Variants in KATNAL1 observed in about 807,000 individuals in gnomAD.
KATNAL1 encodes the protein katanin catalytic subunit A1 like 1.
KATNAL1 carries 32 observed loss-of-function variants against 55.2 expected under a neutral mutation model. The ratio of observed to expected loss-of-function variants is 0.58; its 90% CI spans 0.44 to 0.78. The LOEUF (loss-of-function observed/expected upper bound fraction) is 0.78, where lower values mean the gene tolerates loss of function less well. Ranked by LOEUF, KATNAL1 falls within the 30% of genes least tolerant of loss-of-function variation. The pLI, the probability that KATNAL1 is intolerant of heterozygous loss-of-function variation, is 0.00. For synonymous variants in KATNAL1, 193 were observed against 193.6 expected, an observed-to-expected ratio of 1.00 and a Z score of 0.02; for missense variants, 466 against 600.9, an observed-to-expected ratio of 0.78 and a Z score of 2.35.
chr13:30,211,369 A>T (rs1165176056), intron 9 of KATNAL1, among the ~76,000 whole-genome samples: 1 of 152,040 alleles, frequency 6.6e-6, no homozygotes, highest in Non-Finnish European at 1.5e-5. Flanking sequence ...ACAACACTTC[A>T]CCTTAAATTC....
rs947661498 is a variant in KATNAL1, at chr13:30,255,471, A to G, written c.468T>C (p.Tyr156=). 8 of 1,585,376 alleles carry G rather than the reference A, an allele frequency of 5.0e-6. No individual in the cohort carries two copies. The African/African-American group carries it at 6.9e-5, about 14-fold the overall frequency. The change falls in exon 4 of 11, where the codon TAT becomes TAC. Residue 156 remains tyrosine, a synonymous_variant. Coordinates refer to ENST00000380615, the MANE Select transcript of KATNAL1 (RefSeq NM_032116.5). ...CCTTGTCATCTCTCCCTCTTGCTCT[A>G]TAGTCCTTGTCCCTACTTGTAGAAG... ...EKPSTSRDKD[Y]RARGRDDKGR... is the part of the protein sequence containing the mutation.
intron 3 of KATNAL1, among the ~76,000 whole-genome samples, chr13:30,259,734 T>G (rs1035768326): frequency 2.0e-4 from 31 of 152,032 alleles, no homozygotes; most frequent in African/African-American, 7.5e-4. Flanking sequence ...GCCCACGGAG[T>G]CTTGCTGATT....
chr13:30,245,184 C>T (rs1347854544), intron 4 of KATNAL1, among the ~76,000 whole-genome samples: 1 of 152,102 alleles, frequency 6.6e-6, no homozygotes, highest in Non-Finnish European at 1.5e-5. Context: ...AATCCAGCAG[C>T]ACATCAAAAA....
At chr13:30,296,657 T>C (rs2137564268) in intron 1 of KATNAL1, 1 of 674,954 alleles carries the variant, frequency 1.5e-6, no homozygotes, top group Admixed American at 1.9e-5. Context: ...AAGTTTGTCC[T>C]GCTGGCTGGA....
intron 4 of KATNAL1, among the ~76,000 whole-genome samples, chr13:30,254,550 G>T (rs1432517753): frequency 6.6e-6 from 1 of 152,082 alleles, no homozygotes; most frequent in African/African-American, 2.4e-5. Context: ...AGTTGGTCTG[G>T]AGTCCTTACC....
At chr13:30,209,916 G>C (rs890704356) in intron 10 of KATNAL1, among the ~76,000 whole-genome samples, 2 of 152,092 alleles carry the variant, frequency 1.3e-5, no homozygotes, top group African/African-American at 4.8e-5. Context: ...CGAGTAGCTG[G>C]AACTACAGGT....
intron 3 of KATNAL1, among the ~76,000 whole-genome samples, chr13:30,258,524 CT>C (rs1878973440): frequency 6.6e-6 from 1 of 152,082 alleles, no homozygotes; most frequent in Non-Finnish European, 1.5e-5. Context: ...TATTTTACCT[CT>C]CTTAATGGTA....
intron 6 of KATNAL1, among the ~76,000 whole-genome samples, chr13:30,232,462 T>A (rs1313178174): frequency 6.6e-6 from 1 of 152,182 alleles, no homozygotes; most frequent in Admixed American, 6.5e-5. Flanking sequence ...ATCACTAAAA[T>A]TTGAAACACT....
At chr13:30,230,306 T>A (rs1167431937) in intron 8 of KATNAL1, among the ~76,000 whole-genome samples, 162 bp downstream of exon 8, 1 of 152,202 alleles carries the variant, frequency 6.6e-6, no homozygotes, top group Admixed American at 6.5e-5. Context: ...CTCTAACAAG[T>A]ATGCAAGAAA....
chr13:30,225,114 T>G (rs955458258), intron 9 of KATNAL1, among the ~76,000 whole-genome samples: 2 of 152,318 alleles, frequency 1.3e-5, no homozygotes, highest in South Asian at 2.1e-4. Flanking sequence ...TTAGCTAGCT[T>G]CTTCTGTAGG....
chr13:30,234,153 T>C (rs571300932), intron 6 of KATNAL1, among the ~76,000 whole-genome samples: 1 of 152,300 alleles, frequency 6.6e-6, no homozygotes, highest in East Asian at 1.9e-4. Context: ...TGTATTAAAT[T>C]ATCACGAGCC....
intron 9 of KATNAL1, among the ~76,000 whole-genome samples, chr13:30,217,347 G>A (rs1347731564): frequency 2.6e-5 from 4 of 152,132 alleles, no homozygotes; most frequent in Admixed American, 6.5e-5. Flanking sequence ...CCAGCTACTC[G>A]GGAGGGGGAG....
Position 30,236,783 on chromosome 13 carries a change from GTCCCATATAAACACTCTATACTTC to G in KATNAL1, c.726+3653_726+3676del, listed in dbSNP as rs1324662859. On this transcript the variant is annotated intron_variant, in intron 6 of 10. Transcript: ENST00000380615. ...TTCCAGCAGTGTCTTTTGTTACTAT[GTCCCATATAAACACTCTATACTTC>G]CAGCCACACTGAACTACACAAGATT... Among the ~76,000 whole-genome samples, 4 of 152,234 alleles carry G rather than the reference GTCCCATATAAACACTCTATACTTC, an allele frequency of 2.6e-5. No homozygotes were observed. In the East Asian group the frequency reaches 7.7e-4, roughly 29 times the overall value.
intron 9 of KATNAL1, chr13:30,210,650 G>GAAAAAAAAAAAA (rs33951005): frequency 2.5e-5 from 3 of 120,264 alleles, no homozygotes; most frequent in Non-Finnish European, 5.1e-5. Flanking sequence ...ACTAAAAATT[G>GAAAAAAAAAAAA]AAAAAAAAAA....
rs1873233063 is a variant in KATNAL1 at position 30,207,200 on chromosome 13, A to G, written c.*1340T>C. 6.6e-6 allele frequency: 1 copy of G among 152,240 alleles called. No individual in the cohort carries two copies. Among genetic ancestry groups the G allele is most frequent in the African/African-American group, 2.4e-5 (1 of 41,468 alleles). The allele number at this position is 152,240 out of a possible 1,614,324, so 9.4% of individuals were successfully genotyped here. A position where few individuals can be genotyped will look rare whatever the true frequency, so the allele number is the denominator to read the frequency against. The stretch of plus-strand genomic sequence containing the variant: ...TGACCATTAAAGCATAAATTGCCTA[A>G]TGAGACACATGTAATCATAAAAACT... On this transcript the variant is annotated 3_prime_UTR_variant, in exon 11 of 11. Coordinates refer to ENST00000380615, the MANE Select transcript of KATNAL1 (RefSeq NM_032116.5).
In KATNAL1 at chr13:30,248,727, C is replaced by G. The variant is rs536995860; in HGVS notation, c.492+6720G>C. On this transcript the variant is annotated intron_variant, in intron 4 of 10. Transcript: ENST00000380615. ...ATCACCTGAGGTCAGGAGTTCGAGACCAGCCTGGCCAACGTGGTGAAACCC... is the reference window on the plus strand; with the variant it reads ...ATCACCTGAGGTCAGGAGTTCGAGAGCAGCCTGGCCAACGTGGTGAAACCC... Among the ~76,000 whole-genome samples the G allele has an allele frequency of 3.0e-3, 451 of 152,170 alleles. 1 individual carries two copies. Among genetic ancestry groups the G allele is most frequent in the South Asian group, 0.018 (88 of 4,824 alleles).
At chr13:30,225,543 A>T (rs1875369819) in intron 9 of KATNAL1, among the ~76,000 whole-genome samples, 1 of 152,158 alleles carries the variant, frequency 6.6e-6, no homozygotes, top group African/African-American at 2.4e-5. Flanking sequence ...ATACACAACA[A>T]AATAATTTTC....
At chr13:30,270,525 G>A (rs1251817684) in intron 3 of KATNAL1, among the ~76,000 whole-genome samples, 2 of 152,190 alleles carry the variant, frequency 1.3e-5, no homozygotes, top group Non-Finnish European at 2.9e-5. Context: ...TGGTTGCCGT[G>A]TCTGTGTAGA....
chr13:30,291,699 G>A (rs916468139), intron 1 of KATNAL1, among the ~76,000 whole-genome samples: 1 of 152,158 alleles, frequency 6.6e-6, no homozygotes, highest in Non-Finnish European at 1.5e-5. Context: ...ATGCCTGTTG[G>A]GGGTGGATGT....
Sources: allele counts gnomAD v4.1 joint callset (sites outside exome capture counted in the v4.1 genomes callset), GRCh38; gene constraint gnomAD v4.1.1; transcripts MANE v1.5; gene names NCBI Gene and HGNC (gene_info 2026-07-23, HGNC 2026-07-21).